NLGN1: variants seen among roughly 807,000 people sequenced by gnomAD.
NLGN1 encodes neuroligin-1.
In NLGN1, 12 loss-of-function variants were observed where a neutral mutation model predicts 65.5. The ratio of observed to expected loss-of-function variants is 0.18; its 90% CI spans 0.12 to 0.30. The LOEUF (loss-of-function observed/expected upper bound fraction) is 0.30, where lower values mean the gene tolerates loss of function less well. Ranked by LOEUF, NLGN1 falls within the 10% of genes least tolerant of loss-of-function variation. NLGN1 has a pLI of 1.00. For synonymous variants in NLGN1, 350 were observed against 359.5 expected, an observed-to-expected ratio of 0.97 and a Z score of 0.30; for missense variants, 750 against 1,007.1, an observed-to-expected ratio of 0.74 and a Z score of 3.46.
intron 2 of NLGN1, among the ~76,000 whole-genome samples, chr3:173,442,075 T>C (rs1253252089): frequency 6.6e-6 from 1 of 152,180 alleles, no homozygotes; most frequent in African/African-American, 2.4e-5. Context: ...TAAAAATATG[T>C]ATAAACAGCA....
At chr3:173,819,213 A>C (rs1237053060) in intron 4 of NLGN1, among the ~76,000 whole-genome samples, 2 of 151,824 alleles carry the variant, frequency 1.3e-5, no homozygotes, top group Admixed American at 1.3e-4. Context: ...CATTGCTACT[A>C]CCTACTCACC....
intron 4 of NLGN1, among the ~76,000 whole-genome samples, chr3:173,873,063 C>G (rs572989861): frequency 2.4e-4 from 36 of 151,628 alleles, no homozygotes; most frequent in Non-Finnish European, 4.3e-4. Flanking sequence ...TAACTACTTG[C>G]TAAATGCAGG....
At chr3:174,107,025 G>C (rs865991047) in intron 4 of NLGN1, among the ~76,000 whole-genome samples, 2,729 of 137,062 alleles carry the variant, frequency 0.02, 49 homozygotes, top group African/African-American at 0.073. Flanking sequence ...CACAGAGAGA[G>C]AGAGAGAGAG....
chr3:173,539,242 G>C (rs982971609), intron 2 of NLGN1, among the ~76,000 whole-genome samples: 1 of 151,788 alleles, frequency 6.6e-6, no homozygotes, highest in Non-Finnish European at 1.5e-5. Flanking sequence ...TAGTAGGAAA[G>C]TCTCCATTAG....
chr3:173,963,943 G>A (rs1714210172), intron 4 of NLGN1, among the ~76,000 whole-genome samples: 1 of 152,042 alleles, frequency 6.6e-6, no homozygotes, highest in South Asian at 2.1e-4. Context: ...GAGGTCGGTA[G>A]CTAGAAATCA....
At chr3:173,477,102 G>C (rs1726354585) in intron 2 of NLGN1, among the ~76,000 whole-genome samples, 1 of 152,126 alleles carries the variant, frequency 6.6e-6, no homozygotes, top group African/African-American at 2.4e-5. Flanking sequence ...ATATTGCTCA[G>C]TGTTCAGGGG....
chr3:174,291,808 C>T, the NLGN1 span, among the ~76,000 whole-genome samples: 6 of 151,142 alleles, frequency 4.0e-5, no homozygotes, highest in Admixed American at 1.3e-4. Context: ...TGATAATGGG[C>T]ACTAAATACC....
chr3:173,669,852 A>G (rs1450899911), intron 3 of NLGN1, among the ~76,000 whole-genome samples: 1 of 152,200 alleles, frequency 6.6e-6, no homozygotes, highest in African/African-American at 2.4e-5. Flanking sequence ...CAAATGTGGG[A>G]TGGTGTATAG....
chr3:174,284,138 T>G (rs1751860250), exon 7 of NLGN1: 1 of 151,488 alleles, frequency 6.6e-6, no homozygotes, highest in East Asian at 1.9e-4. Context: ...CCCTATTAAT[T>G]ATTTTCTCTA....
chr3:173,588,470 C>G (rs1747879002), intron 2 of NLGN1, among the ~76,000 whole-genome samples: 1 of 152,142 alleles, frequency 6.6e-6, no homozygotes, highest in South Asian at 2.1e-4. Context: ...ATCCCCACAG[C>G]CATTTGGTAG....
At chr3:173,963,645 A>C (rs1168012148) in intron 4 of NLGN1, among the ~76,000 whole-genome samples, 1 of 152,234 alleles carries the variant, frequency 6.6e-6, no homozygotes, top group African/African-American at 2.4e-5. Flanking sequence ...AAAAGCAATA[A>C]AAATGAGAAA....
At chr3:173,647,393 A>G (rs766619680) in intron 3 of NLGN1, among the ~76,000 whole-genome samples, 3 of 152,148 alleles carry the variant, frequency 2.0e-5, no homozygotes, top group Non-Finnish European at 2.9e-5. Flanking sequence ...CAAAATACTC[A>G]TTCTTTTCAA....
At chr3:173,971,608 A>G (rs1716245923) in intron 4 of NLGN1, among the ~76,000 whole-genome samples, 1 of 152,056 alleles carries the variant, frequency 6.6e-6, no homozygotes, top group Non-Finnish European at 1.5e-5. Context: ...ACACTGAGAA[A>G]CAGTATATAT....
intron 4 of NLGN1, among the ~76,000 whole-genome samples, chr3:173,903,299 A>G (rs1274701974): frequency 2.0e-5 from 3 of 152,040 alleles, no homozygotes; most frequent in East Asian, 1.9e-4. Flanking sequence ...CAGGAGAGAG[A>G]ACAGACCAGA....
At chr3:173,500,956 T>C (rs115146089) in intron 2 of NLGN1, among the ~76,000 whole-genome samples, 1 of 152,162 alleles carries the variant, frequency 6.6e-6, no homozygotes, top group Non-Finnish European at 1.5e-5. Context: ...ACTTAACACG[T>C]TGCTTGCACA....
intron 3 of NLGN1, among the ~76,000 whole-genome samples, chr3:173,743,463 T>C (rs990731681): frequency 6.6e-6 from 1 of 152,292 alleles, no homozygotes; most frequent in South Asian, 2.1e-4. Context: ...TCATACTACT[T>C]CAGTGTCACT....
At chr3:173,396,060 T>TGGC (rs879786935), upstream of NLGN1, among the ~76,000 whole-genome samples, 62 of 151,572 alleles carry the variant, frequency 4.1e-4, no homozygotes, top group African/African-American at 6.0e-4. Context: ...CAGGTAGCAG[T>TGGC]GGCGGCGGCG....
chr3:173,868,181 C>T (rs1383582476), intron 4 of NLGN1, among the ~76,000 whole-genome samples: 1 of 152,022 alleles, frequency 6.6e-6, no homozygotes, highest in Non-Finnish European at 1.5e-5. Flanking sequence ...TCCTAGTGGG[C>T]TGATTACTTA....
chr3:173,722,912 T>C (rs1771096625), intron 3 of NLGN1, among the ~76,000 whole-genome samples: 2 of 152,074 alleles, frequency 1.3e-5, no homozygotes, highest in Admixed American at 6.6e-5. Context: ...AATAAAAATA[T>C]AAAACGTGGA....
Sources: gnomAD v4.1 joint callset for allele counts (sites outside exome capture counted in the v4.1 genomes callset) on GRCh38, gnomAD v4.1.1 for gene constraint, MANE v1.5 for transcripts, NCBI Gene and HGNC (gene_info 2026-07-23, HGNC 2026-07-21) for gene names.